FRMD4A: variants seen among roughly 807,000 people sequenced by gnomAD.
FRMD4A encodes FERM domain-containing protein 4A.
Under a neutral mutation model 129.1 loss-of-function variants are expected in FRMD4A, and 29 were observed. The observed-to-expected ratio is 0.22, with a 90% CI of 0.17 to 0.31. The LOEUF (loss-of-function observed/expected upper bound fraction) is 0.31. Among genes scored for constraint, FRMD4A ranks in the 10% least tolerant of loss-of-function variants. The pLI, the probability that FRMD4A is intolerant of heterozygous loss-of-function variation, is 1.00. For missense variants in FRMD4A, 1,272 were observed against 1,375.8 expected (o/e 0.92, Z 1.19); for synonymous variants, 634 against 571.6 (o/e 1.11, Z -1.56).
At chr10:14,192,545 A>G (rs1341905359) in intron 2 of FRMD4A, among the ~76,000 whole-genome samples, 1 of 152,212 alleles carries the variant, frequency 6.6e-6, no homozygotes, top group Non-Finnish European at 1.5e-5. Flanking sequence ...CCAAATCTTC[A>G]TGTGTATTAA....
At chr10:13,797,308 T>C (rs184561728) in intron 4 of FRMD4A, among the ~76,000 whole-genome samples, 1 of 151,938 alleles carries the variant, frequency 6.6e-6, no homozygotes, top group East Asian at 1.9e-4. Flanking sequence ...CTTGCTGGAG[T>C]GAAAAGCAAA....
intron 2 of FRMD4A, among the ~76,000 whole-genome samples, chr10:13,992,760 C>A (rs1303697776): frequency 6.6e-6 from 1 of 151,920 alleles, no homozygotes; most frequent in Non-Finnish European, 1.5e-5. Context: ...TCAAGACCAG[C>A]TTGACCAAAT....
intron 15 of FRMD4A, among the ~76,000 whole-genome samples, chr10:13,691,277 T>C (rs7896410): frequency 0.6 from 91,634 of 152,126 alleles, 28,055 homozygotes; most frequent in Non-Finnish European, 0.66. Context: ...CGTGAGCCAC[T>C]GCGCCCGGCC....
At chr10:13,828,427 G>A (rs1334524139) in intron 3 of FRMD4A, among the ~76,000 whole-genome samples, 1 of 152,046 alleles carries the variant, frequency 6.6e-6, no homozygotes, top group Non-Finnish European at 1.5e-5. Flanking sequence ...TTCACTTAAT[G>A]ACTTCCAGTT....
At chr10:13,676,809 G>A (rs894657469) in intron 15 of FRMD4A, among the ~76,000 whole-genome samples, 3 of 152,192 alleles carry the variant, frequency 2.0e-5, no homozygotes, top group Non-Finnish European at 2.9e-5. Context: ...GAAGCTTGAT[G>A]TTGTAAAGAT....
In FRMD4A at chr10:14,294,332, C is replaced by A. The variant is rs145936616; in HGVS notation, c.45+35726G>T. Among the ~76,000 whole-genome samples the A allele has an allele frequency of 3.0e-4, 45 of 152,222 alleles. No individual in the cohort carries two copies. In the East Asian group the frequency reaches 7.7e-3, roughly 26 times the overall value. ...ACTCAAGGTCTCACAGACCAGAGGT[C>A]CAAACTGCTTAGTGTGAACTAATAA... On this transcript the variant is annotated intron_variant, in intron 2 of 24. Transcript: ENST00000357447.
At chr10:13,975,890 C>A (rs534973380) in intron 2 of FRMD4A, among the ~76,000 whole-genome samples, 61 of 152,264 alleles carry the variant, frequency 4.0e-4, no homozygotes, top group Non-Finnish European at 6.0e-4. Context: ...GAACATGTGA[C>A]CTGGACCGGT....
chr10:13,683,370 A>C (rs1484893632), intron 15 of FRMD4A, among the ~76,000 whole-genome samples: 1 of 151,978 alleles, frequency 6.6e-6, no homozygotes, highest in Admixed American at 6.6e-5. Context: ...GGATTGCTTA[A>C]TGCCAGGAGT....
intron 2 of FRMD4A, among the ~76,000 whole-genome samples, chr10:14,048,392 A>G (rs1211428201): frequency 6.6e-6 from 1 of 152,164 alleles, no homozygotes; most frequent in Non-Finnish European, 1.5e-5. Context: ...ATTTTTTGGG[A>G]ACTCCCCACT....
chr10:13,970,864 C>T (rs554818698), intron 2 of FRMD4A, among the ~76,000 whole-genome samples: 14 of 152,292 alleles, frequency 9.2e-5, no homozygotes, highest in African/African-American at 2.9e-4. Context: ...CTGCACCCAC[C>T]GCCAGTTAAC....
chr10:14,022,208 G>A (rs536900059), intron 2 of FRMD4A, among the ~76,000 whole-genome samples: 13 of 152,290 alleles, frequency 8.5e-5, no homozygotes, highest in Admixed American at 3.3e-4. Context: ...GAGAGGAAGT[G>A]CGACAGAAAT....
At chr10:13,771,257 T>TG (rs1221129674) in intron 6 of FRMD4A, among the ~76,000 whole-genome samples, 4 of 151,890 alleles carry the variant, frequency 2.6e-5, no homozygotes, top group South Asian at 4.2e-4. Context: ...TATATTTTTT[T>TG]GTAGGGTTGG....
intron 2 of FRMD4A, among the ~76,000 whole-genome samples, chr10:14,292,677 G>A (rs915835695): frequency 2.0e-5 from 3 of 152,122 alleles, no homozygotes; most frequent in African/African-American, 2.4e-5. Flanking sequence ...GTGGGCACCT[G>A]TAGTCCCAGC....
intron 3 of FRMD4A, among the ~76,000 whole-genome samples, chr10:13,843,100 G>T (rs781218360): frequency 6.6e-6 from 1 of 152,140 alleles, no homozygotes; most frequent in Non-Finnish European, 1.5e-5. Flanking sequence ...TGTACAATCT[G>T]CACTCTTCCC....
chr10:13,738,658 T>C (rs923944189), intron 11 of FRMD4A, among the ~76,000 whole-genome samples: 2 of 152,138 alleles, frequency 1.3e-5, no homozygotes, highest in Admixed American at 1.3e-4. Flanking sequence ...TCTCACTCTG[T>C]CACCCAGGCT....
intron 2 of FRMD4A, among the ~76,000 whole-genome samples, chr10:14,001,815 G>C (rs191642948): frequency 3.9e-5 from 6 of 152,320 alleles, no homozygotes; most frequent in African/African-American, 7.2e-5. Flanking sequence ...TAATATGTGT[G>C]AATACACTGA....
chr10:13,913,486 G>A (rs1443749367), intron 2 of FRMD4A, among the ~76,000 whole-genome samples: 2 of 152,134 alleles, frequency 1.3e-5, no homozygotes, highest in Non-Finnish European at 2.9e-5. Flanking sequence ...GCTTTCATTA[G>A]GCCACCATCC....
At chr10:13,745,020 T>C (rs2091219151) in intron 9 of FRMD4A, among the ~76,000 whole-genome samples, 1 of 152,244 alleles carries the variant, frequency 6.6e-6, no homozygotes, top group Non-Finnish European at 1.5e-5. Context: ...AAATTATAGT[T>C]AACAATAATT....
intron 2 of FRMD4A, among the ~76,000 whole-genome samples, chr10:13,987,720 CACTT>C (rs1254117523): frequency 4.6e-5 from 7 of 152,190 alleles, no homozygotes; most frequent in African/African-American, 1.7e-4. Flanking sequence ...GCAGGGGACA[CACTT>C]ACTTTTCTTT....
Sources: gnomAD v4.1 joint callset for allele counts (sites outside exome capture counted in the v4.1 genomes callset) on GRCh38, gnomAD v4.1.1 for gene constraint, MANE v1.5 for transcripts, NCBI Gene and HGNC (gene_info 2026-07-23, HGNC 2026-07-21) for gene names.